Variants in SORCS3 observed in about 807,000 individuals in gnomAD.
SORCS3 encodes the protein sortilin related VPS10 domain containing receptor 3, also known as VPS10 domain-containing receptor SorCS3.
In SORCS3, 57 loss-of-function variants were observed where a neutral mutation model predicts 146.3. The ratio of observed to expected loss-of-function variants is 0.39; its 90% CI spans 0.31 to 0.49. The LOEUF is 0.49. SORCS3 is among the 20% of genes least tolerant of loss of function. The pLI, the probability that SORCS3 is intolerant of heterozygous loss-of-function variation, is 0.92. For synonymous variants in SORCS3, 653 were observed against 618.5 expected (o/e 1.06, Z -0.83); for missense variants, 1,341 against 1,575.5 (o/e 0.85, Z 2.52).
At chr10:104,698,545 G>A (rs1024653326) in intron 1 of SORCS3, among the ~76,000 whole-genome samples, 2 of 151,902 alleles carry the variant, frequency 1.3e-5, no homozygotes, top group Non-Finnish European at 2.9e-5. Context: ...TTTAACAGAG[G>A]CACACACACA....
intron 14 of SORCS3, among the ~76,000 whole-genome samples, chr10:105,183,267 T>C (rs2056453967): frequency 6.6e-6 from 1 of 152,212 alleles, no homozygotes; most frequent in Non-Finnish European, 1.5e-5. Context: ...GGCATAAATC[T>C]CTGATTAATT....
intron 2 of SORCS3, among the ~76,000 whole-genome samples, chr10:104,905,679 A>C (rs188441079): frequency 6.6e-6 from 1 of 152,340 alleles, no homozygotes; most frequent in Admixed American, 6.5e-5. Context: ...ATAATGGCAT[A>C]AAACAACAGC....
chr10:104,699,554 T>G (rs1176153222), intron 1 of SORCS3, among the ~76,000 whole-genome samples: 1 of 152,122 alleles, frequency 6.6e-6, no homozygotes, highest in East Asian at 1.9e-4. Context: ...GGCAAGACCA[T>G]TGCAGATCTT....
At chr10:105,240,535 A>G (rs2056816173) in intron 20 of SORCS3, among the ~76,000 whole-genome samples, 1 of 152,208 alleles carries the variant, frequency 6.6e-6, no homozygotes, top group South Asian at 2.1e-4. Flanking sequence ...CCTTCTGCAT[A>G]CATCCATTAG....
intron 6 of SORCS3, among the ~76,000 whole-genome samples, chr10:105,095,783 GA>G (rs767845426): frequency 8.6e-5 from 13 of 151,958 alleles, no homozygotes; most frequent in Non-Finnish European, 1.8e-4. Flanking sequence ...TTTTTCCACT[GA>G]GAGGCTGTGT....
At chr10:105,222,214 A>T (rs1238998936) in intron 19 of SORCS3, among the ~76,000 whole-genome samples, 1 of 151,986 alleles carries the variant, frequency 6.6e-6, no homozygotes, top group Non-Finnish European at 1.5e-5. Flanking sequence ...GGCTGCCACC[A>T]TGCCCAGCTA....
intron 1 of SORCS3, among the ~76,000 whole-genome samples, chr10:104,814,325 G>A (rs2017772821): frequency 6.6e-6 from 1 of 152,000 alleles, no homozygotes; most frequent in Non-Finnish European, 1.5e-5. Context: ...AAAGGCACAT[G>A]CCATGCAAAA....
chr10:105,002,310 G>T (rs1255756398), intron 4 of SORCS3, among the ~76,000 whole-genome samples: 1 of 152,144 alleles, frequency 6.6e-6, no homozygotes, highest in African/African-American at 2.4e-5. Flanking sequence ...ACAGGTTCAT[G>T]CATTTAATTA....
intron 1 of SORCS3, among the ~76,000 whole-genome samples, chr10:104,777,595 G>C (rs7894345): frequency 0.044 from 6,657 of 152,282 alleles, 159 homozygotes; most frequent in Admixed American, 0.063. Flanking sequence ...TGTCACAACT[G>C]GGGGGAGAGT....
chr10:104,764,012 T>TC (rs546263647), intron 1 of SORCS3, among the ~76,000 whole-genome samples: 78 of 151,800 alleles, frequency 5.1e-4, no homozygotes, highest in Middle Eastern at 3.4e-3. Context: ...CTTTTTTTTT[T>TC]TTTTTAATGA....
rs2119738077 is a variant in SORCS3, at chr10:105,247,459, G to C, written c.3105+128G>C. 5.6e-6 allele frequency: 3 copies of C among 536,752 alleles called. No individual in the cohort carries two copies. The East Asian group carries it at 9.6e-5, about 17-fold the overall frequency. The allele number at this position is 536,752 out of a possible 1,614,324, so 33.2% of individuals were successfully genotyped here. On this transcript the variant is annotated intron_variant, in intron 22 of 26. Transcript: ENST00000369701. Reference sequence around the variant, plus strand: ...TAAAGATTATTTCTCTGTAAAAAGAGAGAGAAGAGGCTGGGTGCAGTCGCT... The same window carrying C: ...TAAAGATTATTTCTCTGTAAAAAGACAGAGAAGAGGCTGGGTGCAGTCGCT...
rs189001599 is a variant in SORCS3, at chr10:104,968,261, A to G, written c.796-9074A>G. 7.2e-5 allele frequency among the ~76,000 whole-genome samples: 11 copies of G among 152,200 alleles called. No homozygotes were observed. The East Asian group carries it at 2.1e-3, about 30-fold the overall frequency. ...CTCCTGAATAGCTGGGATTACAGGC[A>G]CATGCCACCACACCCGGCTAATTTT... On this transcript the variant is annotated intron_variant, in intron 3 of 26. Transcript: ENST00000369701.
At chr10:105,057,457 G>T (rs190057440) in intron 5 of SORCS3, among the ~76,000 whole-genome samples, 1 of 152,086 alleles carries the variant, frequency 6.6e-6, no homozygotes, top group Non-Finnish European at 1.5e-5. Context: ...ATTCCATAGC[G>T]TAGACACTGC....
At chr10:105,119,150 C>T (rs183288135) in intron 7 of SORCS3, among the ~76,000 whole-genome samples, 1 of 152,308 alleles carries the variant, frequency 6.6e-6, no homozygotes, top group Non-Finnish European at 1.5e-5. Context: ...CCAGCCTCTC[C>T]AGCCATGGCT....
intron 20 of SORCS3, among the ~76,000 whole-genome samples, chr10:105,228,923 AT>A (rs1283386334): frequency 6.6e-6 from 1 of 152,180 alleles, no homozygotes; most frequent in East Asian, 1.9e-4. Context: ...TTCAGCAATT[AT>A]TTTGTTAAAT....
chr10:104,827,639 C>G (rs1038212321), intron 1 of SORCS3, among the ~76,000 whole-genome samples: 5 of 152,118 alleles, frequency 3.3e-5, no homozygotes, highest in African/African-American at 1.2e-4. Flanking sequence ...TAAGTGAGCA[C>G]TGGCTTTAGC....
chr10:105,113,750 C>G (rs1023918825), intron 7 of SORCS3, among the ~76,000 whole-genome samples: 1 of 152,166 alleles, frequency 6.6e-6, no homozygotes, highest in African/African-American at 2.4e-5. Context: ...ATACAGAAAG[C>G]TGTGAAATTT....
chr10:105,043,621 C>T (rs140993216), intron 5 of SORCS3, among the ~76,000 whole-genome samples: 1 of 152,074 alleles, frequency 6.6e-6, no homozygotes, highest in Non-Finnish European at 1.5e-5. Flanking sequence ...ATTTTATACT[C>T]CTGGAAACTC....
At chr10:104,724,433 T>G (rs2016596502) in intron 1 of SORCS3, among the ~76,000 whole-genome samples, 1 of 152,160 alleles carries the variant, frequency 6.6e-6, no homozygotes, top group Non-Finnish European at 1.5e-5. Context: ...TCAACTTTGG[T>G]GAATCTGACA....
Sources: gnomAD v4.1 joint callset for allele counts (sites outside exome capture counted in the v4.1 genomes callset) on GRCh38, gnomAD v4.1.1 for gene constraint, MANE v1.5 for transcripts, NCBI Gene and HGNC (gene_info 2026-07-23, HGNC 2026-07-21) for gene names.